The following RALYL variants were observed in gnomAD, a reference collection of about 807,000 sequenced individuals.
The protein encoded by RALYL is RNA-binding Raly-like protein.
A neutral mutation model predicts 35.1 loss-of-function variants in RALYL; 29 were observed. The ratio of observed to expected loss-of-function variants is 0.83; its 90% CI spans 0.61 to 1.13. The LOEUF (loss-of-function observed/expected upper bound fraction) is 1.13, where lower values mean the gene tolerates loss of function less well. Ranked by LOEUF, RALYL falls within the 50% of genes most tolerant of loss-of-function variation. The probability of loss-of-function intolerance (pLI) is 0.00; values close to 1 mark genes in which losing one functional copy is unlikely to be tolerated. For synonymous variants in RALYL, 120 were observed against 127.6 expected (o/e 0.94, Z 0.40); for missense variants, 359 against 360.4 (o/e 1.00, Z 0.03).
At position 84,367,028 on chromosome 8, in the gene RALYL, A is replaced by T. The variant is rs190195957; in HGVS notation, c.-23-162271A>T. On this transcript the variant is annotated intron_variant, in intron 1 of 8. Transcript: ENST00000521268. ...AACTGTACCGTGGTGTTCGGGGAAA[A>T]AAAACACTCCGTAGAAATTCTCTTG... Among the ~76,000 whole-genome samples the T allele has an allele frequency of 3.9e-4, 60 of 151,978 alleles. 1 individual carries two copies. The highest frequency in any genetic ancestry group is 3.4e-3 in the Middle Eastern group (1 of 294).
At chr8:84,679,675 G>A (rs1296993913) in intron 2 of RALYL, 4 of 504,320 alleles carry the variant, frequency 7.9e-6, no homozygotes, top group Non-Finnish European at 1.6e-5. Flanking sequence ...AGAGAAAAAT[G>A]TGAGAACTAA....
chr8:84,193,512 C>A (rs1814494469), intron 1 of RALYL, among the ~76,000 whole-genome samples: 1 of 152,122 alleles, frequency 6.6e-6, no homozygotes, highest in African/African-American at 2.4e-5. Flanking sequence ...AAGTACTGTG[C>A]TGGAGGATGA....
At chr8:84,486,951 C>T (rs1266432579) in intron 1 of RALYL, among the ~76,000 whole-genome samples, 4 of 152,028 alleles carry the variant, frequency 2.6e-5, no homozygotes, top group South Asian at 2.1e-4. Flanking sequence ...TGAGACTTTA[C>T]GCCCAAGGGG....
At chr8:84,583,080 C>G (rs1293352394) in intron 2 of RALYL, among the ~76,000 whole-genome samples, 1 of 152,018 alleles carries the variant, frequency 6.6e-6, no homozygotes, top group Non-Finnish European at 1.5e-5. Context: ...TCTTTGATTT[C>G]TTTGTCTCTT....
At chr8:84,266,866 A>G (rs986745260) in intron 1 of RALYL, among the ~76,000 whole-genome samples, 4 of 150,542 alleles carry the variant, frequency 2.7e-5, no homozygotes, top group Non-Finnish European at 5.9e-5. Flanking sequence ...AGGCTGAGGC[A>G]GGAGAATGGC....
chr8:84,319,859 T>C (rs1844466154), intron 1 of RALYL, among the ~76,000 whole-genome samples: 1 of 126,650 alleles, frequency 7.9e-6, no homozygotes, highest in African/African-American at 2.6e-5. Flanking sequence ...AGTCATAATT[T>C]TTTTTCAAAA....
intron 4 of RALYL, among the ~76,000 whole-genome samples, chr8:84,843,612 C>A (rs894017411): frequency 2.0e-4 from 31 of 152,126 alleles, no homozygotes; most frequent in African/African-American, 6.7e-4. Flanking sequence ...AATTGGAAAA[C>A]ACTACTTTAA....
intron 1 of RALYL, among the ~76,000 whole-genome samples, chr8:84,247,382 A>T (rs901088301): frequency 2.0e-5 from 3 of 152,116 alleles, no homozygotes; most frequent in African/African-American, 7.2e-5. Context: ...TAAGAGGTAC[A>T]TGTAACTGGT....
At chr8:84,682,609 T>A (rs1835808280) in intron 2 of RALYL, among the ~76,000 whole-genome samples, 1 of 152,198 alleles carries the variant, frequency 6.6e-6, no homozygotes, top group African/African-American at 2.4e-5. Context: ...TTCTTCTAGA[T>A]TTTCTAGTCT....
intron 2 of RALYL, among the ~76,000 whole-genome samples, chr8:84,741,243 C>T (rs1408707009): frequency 6.6e-6 from 1 of 151,992 alleles, no homozygotes; most frequent in Non-Finnish European, 1.5e-5. Context: ...CAGTGTTGGC[C>T]TCTCTGAGGC....
At chr8:84,816,426 AT>A (rs1451190660) in intron 4 of RALYL, among the ~76,000 whole-genome samples, 5 of 152,222 alleles carry the variant, frequency 3.3e-5, no homozygotes, top group African/African-American at 1.2e-4. Flanking sequence ...ATATCGATTT[AT>A]ACCAATTTTT....
chr8:84,569,324 T>A (rs1293511249), intron 2 of RALYL, among the ~76,000 whole-genome samples: 2 of 152,070 alleles, frequency 1.3e-5, no homozygotes, highest in Non-Finnish European at 1.5e-5. Context: ...CCATTTCTTG[T>A]TTTTCTCAGG....
chr8:84,363,161 G>A (rs767341691), intron 1 of RALYL, among the ~76,000 whole-genome samples: 3 of 152,144 alleles, frequency 2.0e-5, no homozygotes, highest in Admixed American at 6.6e-5. Context: ...GACAAACTGG[G>A]ACTGATGAGC....
At chr8:84,695,923 C>T (rs935520723) in intron 2 of RALYL, among the ~76,000 whole-genome samples, 1 of 151,794 alleles carries the variant, frequency 6.6e-6, no homozygotes, top group African/African-American at 2.4e-5. Context: ...CCTAATACAG[C>T]ACTCATTCCC....
At chr8:84,919,162 G>A (rs1848933384) in intron 8 of RALYL, among the ~76,000 whole-genome samples, 1 of 152,004 alleles carries the variant, frequency 6.6e-6, no homozygotes, top group South Asian at 2.1e-4. Flanking sequence ...AGCTGCTACA[G>A]TATTTTTAGC....
chr8:84,514,312 T>C (rs566032715), intron 1 of RALYL, among the ~76,000 whole-genome samples: 17 of 152,234 alleles, frequency 1.1e-4, no homozygotes, highest in African/African-American at 2.9e-4. Context: ...TGTTACATTT[T>C]GTTTGGTCTC....
chr8:84,454,159 AAGAG>A (rs2049858396), intron 1 of RALYL, among the ~76,000 whole-genome samples: 3 of 152,146 alleles, frequency 2.0e-5, no homozygotes, highest in South Asian at 2.1e-4. Flanking sequence ...ATCAGCAAGG[AAGAG>A]ATAGATTATC....
intron 1 of RALYL, among the ~76,000 whole-genome samples, chr8:84,215,468 T>C (rs956279768): frequency 3.9e-5 from 6 of 152,088 alleles, no homozygotes; most frequent in Admixed American, 3.9e-4. Context: ...AAGCAATGTA[T>C]TATGCATTAT....
At chr8:84,724,039 A>G (rs1204420941) in intron 2 of RALYL, among the ~76,000 whole-genome samples, 1 of 151,842 alleles carries the variant, frequency 6.6e-6, no homozygotes, top group Non-Finnish European at 1.5e-5. Context: ...AAATAAATGA[A>G]TGAATAAATG....
Sources: allele counts gnomAD v4.1 joint callset (sites outside exome capture counted in the v4.1 genomes callset), GRCh38; gene constraint gnomAD v4.1.1; transcripts MANE v1.5; gene names NCBI Gene and HGNC (gene_info 2026-07-23, HGNC 2026-07-21).